SULF1: variants seen among roughly 807,000 people sequenced by gnomAD.
SULF1 encodes extracellular sulfatase Sulf-1.
In SULF1, 46 loss-of-function variants were observed where a neutral mutation model predicts 110.5. That is an observed-to-expected ratio of 0.42 (90% CI 0.33 to 0.53). SULF1 has a LOEUF of 0.53. Among genes scored for constraint, SULF1 ranks in the 20% least tolerant of loss-of-function variants. The pLI is 0.12. For missense variants in SULF1, 941 were observed against 1,094.2 expected, an observed-to-expected ratio of 0.86 and a Z score of 1.98; for synonymous variants, 371 against 387.1, an observed-to-expected ratio of 0.96 and a Z score of 0.49.
intron 22 of SULF1, among the ~76,000 whole-genome samples, chr8:69,641,915 G>T (rs77200480): frequency 6.6e-6 from 1 of 151,926 alleles, no homozygotes; most frequent in African/African-American, 2.4e-5. Context: ...CCTGATGGCC[G>T]TGTCACTTGG....
At chr8:69,596,807 C>T (rs974881564) in intron 8 of SULF1, among the ~76,000 whole-genome samples, 1 of 152,142 alleles carries the variant, frequency 6.6e-6, no homozygotes, top group Admixed American at 6.5e-5. Flanking sequence ...ATCAAATGAG[C>T]TATTAAGGGA....
chr8:69,629,906 C>G (rs16936188), intron 19 of SULF1, among the ~76,000 whole-genome samples: 3,263 of 152,234 alleles, frequency 0.021, 133 homozygotes, highest in African/African-American at 0.073. Context: ...CTGGCTTTTT[C>G]CTCCTGATGA....
At chr8:69,590,284 T>G (rs550627726) in intron 8 of SULF1, among the ~76,000 whole-genome samples, 17 of 152,156 alleles carry the variant, frequency 1.1e-4, no homozygotes, top group African/African-American at 3.9e-4. Context: ...ACCTCAGGCT[T>G]CTGAGGAGCT....
intron 2 of SULF1, among the ~76,000 whole-genome samples, chr8:69,497,132 G>A (rs2150564546): frequency 6.6e-6 from 1 of 150,564 alleles, no homozygotes; most frequent in Non-Finnish European, 1.5e-5. Context: ...GGTGACGGAA[G>A]CTAAAACAGA....
At chr8:69,496,925 T>G (rs1450211144) in intron 2 of SULF1, among the ~76,000 whole-genome samples, 1 of 152,180 alleles carries the variant, frequency 6.6e-6, no homozygotes, top group Non-Finnish European at 1.5e-5. Context: ...GCTCCTCAAC[T>G]TTCTCTTGGG....
chr8:69,478,228 G>A (rs776128556), intron 1 of SULF1, among the ~76,000 whole-genome samples: 11 of 152,018 alleles, frequency 7.2e-5, no homozygotes. Flanking sequence ...GCATCACCTC[G>A]TGCATCTGAA....
At chr8:69,480,047 G>A (rs559459461) in intron 1 of SULF1, among the ~76,000 whole-genome samples, 1 of 151,714 alleles carries the variant, frequency 6.6e-6, no homozygotes, top group Non-Finnish European at 1.5e-5. Context: ...TGGAAAATCT[G>A]TTCTAATTGA....
chr8:69,545,082 A>AT (rs150947424), intron 3 of SULF1, among the ~76,000 whole-genome samples: 7 of 76,540 alleles, frequency 9.1e-5, no homozygotes, highest in East Asian at 8.2e-4. Context: ...AGATAAAGGA[A>AT]TTCTTTTTTT....
At chr8:69,533,620 A>C (rs896473293) in intron 3 of SULF1, among the ~76,000 whole-genome samples, 1 of 152,134 alleles carries the variant, frequency 6.6e-6, no homozygotes, top group Non-Finnish European at 1.5e-5. Flanking sequence ...TCCATGGTGT[A>C]TATGTACCAT....
intron 3 of SULF1, among the ~76,000 whole-genome samples, chr8:69,534,889 TAA>T: frequency 6.6e-6 from 1 of 151,912 alleles, no homozygotes; most frequent in East Asian, 1.9e-4. Flanking sequence ...AAAATTCAGC[TAA>T]GAGAGTACTG....
At chr8:69,524,596 A>G (rs1812536402) in intron 3 of SULF1, among the ~76,000 whole-genome samples, 1 of 152,300 alleles carries the variant, frequency 6.6e-6, no homozygotes, top group South Asian at 2.1e-4. Flanking sequence ...ACATTTCAAC[A>G]TGAGACTTGG....
intron 3 of SULF1, among the ~76,000 whole-genome samples, chr8:69,504,712 A>C (rs1414677366): frequency 2.0e-5 from 3 of 152,252 alleles, no homozygotes; most frequent in Middle Eastern, 3.4e-3. Flanking sequence ...GGAAAATTCA[A>C]ATTTAATGTT....
Position 69,601,664 on chromosome 8 carries a change from T to C in SULF1, c.896T>C (p.Met299Thr), listed in dbSNP as rs1463974836. 3 of 1,610,278 alleles carry C rather than the reference T, an allele frequency of 1.9e-6. No homozygotes were observed. The highest frequency in any genetic ancestry group is 2.2e-5 in the South Asian group (2 of 90,080). ...VDDSVERLYN[M>T]LVETGELENT... ...TTTGCTGTATTTCAGCTGTATAACA[T>C]GCTCGTGGAGACGGGGGAGCTGGAG... The change falls in exon 10 of 23, where the codon ATG becomes ACG. Residue 299 changes from methionine to threonine, a missense_variant. By Grantham distance (81) the Met-to-Thr change is moderately conservative. Around this residue, in one of 3 missense-constraint regions of SULF1, gnomAD observed 822 missense variants for 934.3 expected, o/e 0.88. Transcript: ENST00000402687.
At chr8:69,559,092 G>C (rs1815305941) in intron 3 of SULF1, among the ~76,000 whole-genome samples, 1 of 152,174 alleles carries the variant, frequency 6.6e-6, no homozygotes, top group Non-Finnish European at 1.5e-5. Context: ...CTGAAGTACA[G>C]TAATAAAATC....
chr8:69,655,124 C>T (rs548462135), intron 22 of SULF1, among the ~76,000 whole-genome samples: 1 of 152,314 alleles, frequency 6.6e-6, no homozygotes, highest in East Asian at 1.9e-4. Flanking sequence ...TGATCTATCC[C>T]GTCGGGGCTA....
chr8:69,555,806 G>A (rs558898182), intron 3 of SULF1, among the ~76,000 whole-genome samples: 17 of 152,174 alleles, frequency 1.1e-4, no homozygotes, highest in African/African-American at 4.1e-4. Context: ...ACCATTTCTC[G>A]TAGTACAAGA....
chr8:69,481,268 A>G (rs934864774), intron 1 of SULF1, among the ~76,000 whole-genome samples: 27 of 152,168 alleles, frequency 1.8e-4, no homozygotes, highest in African/African-American at 4.8e-5. Context: ...TATCAGGCTT[A>G]CCAGTATTAC....
chr8:69,522,157 T>A (rs1812352704), intron 3 of SULF1, among the ~76,000 whole-genome samples: 1 of 151,848 alleles, frequency 6.6e-6, no homozygotes, highest in Admixed American at 6.6e-5. Context: ...TTCAAACAAT[T>A]CTCCTGCCTC....
At chr8:69,571,421 C>A (rs1301655519) in intron 5 of SULF1, among the ~76,000 whole-genome samples, 1 of 152,208 alleles carries the variant, frequency 6.6e-6, no homozygotes, top group Admixed American at 6.5e-5. Context: ...CTTGCTCAGG[C>A]TAAGCTGTGG....
Sources: allele counts gnomAD v4.1 joint callset (sites outside exome capture counted in the v4.1 genomes callset), GRCh38; gene constraint gnomAD v4.1.1; regional missense constraint gnomAD v4.1.1; transcripts MANE v1.5; gene names NCBI Gene and HGNC (gene_info 2026-07-23, HGNC 2026-07-21).